The following C6orf58 variants were observed in gnomAD, a reference collection of about 807,000 sequenced individuals.
The protein encoded by C6orf58 is protein LEG1 homolog.
Under a neutral mutation model 37.0 loss-of-function variants are expected in C6orf58, and 30 were observed. That is an observed-to-expected ratio of 0.81 (90% CI 0.61 to 1.10). The LOEUF is 1.10. Ranked by LOEUF, C6orf58 falls within the 50% of genes least tolerant of loss-of-function variation. C6orf58 has a pLI of 0.00. For missense variants in C6orf58, 368 were observed against 387.5 expected (o/e 0.95, Z 0.42); for synonymous variants, 143 against 134.1 (o/e 1.07, Z -0.46).
intron 4 of C6orf58, among the ~76,000 whole-genome samples, chr6:127,583,091 C>T (rs539937596): frequency 3.9e-4 from 60 of 152,192 alleles, no homozygotes; most frequent in Middle Eastern, 6.8e-3. Context: ...AATTATCTTC[C>T]TTTTGTTTTT....
chr6:127,584,634 C>T (rs966577118), intron 4 of C6orf58, among the ~76,000 whole-genome samples: 3 of 151,960 alleles, frequency 2.0e-5, no homozygotes, highest in Middle Eastern at 3.4e-3. Context: ...ATTAGCCAGG[C>T]GTGGTGTTGC....
rs764701299 is a variant in C6orf58 at position 127,590,286 on chromosome 6, GTT to G, written c.875_876del (p.Val292AlafsTer6). 8.7e-6 allele frequency: 14 copies of G among 1,612,112 alleles called. No homozygotes were observed. Among genetic ancestry groups the G allele is most frequent in the Non-Finnish European group, 1.2e-5 (14 of 1,179,314 alleles). ...TACTGCTTTTCAGAATGTAGTCCTGGTTCTTCTAAATATGCTTGACAATGTGG... is the reference window on the plus strand; with the variant it reads ...TACTGCTTTTCAGAATGTAGTCCTGGCTTCTAAATATGCTTGACAATGTGG... ...DFTAFQNVVLVLLNMLDNVDK... is the reference protein window; with the variant it reads ...DFTAFQNVVLXLLNMLDNVDK... On this transcript the variant is annotated frameshift_variant, in exon 5 of 6. Transcript: ENST00000329722. LOFTEE classifies it low-confidence loss of function (END_TRUNC).
chr6:127,578,675 C>G lies in C6orf58; in HGVS notation c.302-11C>G, dbSNP rs776501618. 4.4e-6 allele frequency: 7 copies of G among 1,603,614 alleles called. No individual in the cohort carries two copies. The highest frequency in any genetic ancestry group is 6.0e-6 in the Non-Finnish European group (7 of 1,171,292). The stretch of plus-strand genomic sequence containing the variant: ...TATAATAAATACGACTGTGCATCCT[C>G]TCTCCTCCAGGCAGATTAGCTGATC... On this transcript the variant is annotated splice_polypyrimidine_tract_variant and intron_variant, in intron 1 of 5. Coordinates refer to ENST00000329722, the MANE Select transcript of C6orf58 (RefSeq NM_001010905.3).
chr6:127,578,130 G>A (rs1316912275), intron 1 of C6orf58, among the ~76,000 whole-genome samples: 1 of 152,010 alleles, frequency 6.6e-6, no homozygotes, highest in Non-Finnish European at 1.5e-5. Flanking sequence ...TGAGAGAGAG[G>A]TTAAGAAAAG....
intron 4 of C6orf58, among the ~76,000 whole-genome samples, chr6:127,588,820 A>G (rs1775132143): frequency 6.6e-6 from 1 of 151,908 alleles, no homozygotes. Context: ...TTGTTACTAG[A>G]CCTCTGTGGC....
Position 127,590,086 on chromosome 6 carries a change from G to C in C6orf58, c.675-1G>C. On this transcript the variant is annotated splice_acceptor_variant, in intron 4 of 5. Coordinates refer to ENST00000329722, the MANE Select transcript of C6orf58 (RefSeq NM_001010905.3). LOFTEE classifies it high-confidence loss of function. ...TAAATACTTTTCCGTTTGTCTTTTA[G>C]ATATGATTATTATTCTAAAGCAGAA... is the stretch of plus-strand genomic sequence containing the variant. 6.3e-7 allele frequency: 1 copy of C among 1,599,826 alleles called. No homozygotes were observed. Among genetic ancestry groups the C allele is most frequent in the Non-Finnish European group, 8.6e-7 (1 of 1,168,804 alleles).
chr6:127,587,111 T>A (rs1293989245), intron 4 of C6orf58, among the ~76,000 whole-genome samples: 1 of 152,236 alleles, frequency 6.6e-6, no homozygotes, highest in Admixed American at 6.5e-5. Flanking sequence ...CTATTAAATC[T>A]TTTCAACTAG....
intron 4 of C6orf58, among the ~76,000 whole-genome samples, chr6:127,587,848 A>C (rs1583130777): frequency 6.6e-6 from 1 of 152,240 alleles, no homozygotes; most frequent in Non-Finnish European, 1.5e-5. Flanking sequence ...AATATAAAGT[A>C]ACTATTATCA....
intron 2 of C6orf58, among the ~76,000 whole-genome samples, chr6:127,579,944 T>A (rs2114290481): frequency 6.6e-6 from 1 of 152,210 alleles, no homozygotes; most frequent in South Asian, 2.1e-4. Flanking sequence ...GAAAAGTTGA[T>A]AGCTTTCTTC....
chr6:127,578,610 T>C (rs1775014625), intron 1 of C6orf58, 76 bp from the exon 2 acceptor site: 1 of 928,058 alleles, frequency 1.1e-6, no homozygotes, highest in Admixed American at 2.0e-5. Context: ...AAACAAAATC[T>C]ATGTGGTTAA....
In C6orf58 at chr6:127,581,423, G is replaced by A. The variant is rs1583128332; in HGVS notation, c.674+141G>A. 11 of 361,372 alleles carry A rather than the reference G, an allele frequency of 3.0e-5. 1 individual carries two copies. The East Asian group carries it at 4.5e-4, about 15-fold the overall frequency. The allele number at this position is 361,372 out of a possible 1,614,324, so 22.4% of individuals were successfully genotyped here. A position where few individuals can be genotyped will look rare whatever the true frequency, so the allele number is the denominator to read the frequency against. ...CCTAACCATTGGAGATTATAGTGAGGATGTGTAAATATTTTAACATGATCA... is the reference window on the plus strand; with the variant it reads ...CCTAACCATTGGAGATTATAGTGAGAATGTGTAAATATTTTAACATGATCA... On this transcript the variant is annotated intron_variant, in intron 4 of 5. Coordinates refer to ENST00000329722, the MANE Select transcript of C6orf58 (RefSeq NM_001010905.3).
At chr6:127,580,758 A>G (rs745681193) in intron 3 of C6orf58, among the ~76,000 whole-genome samples, 2 of 152,080 alleles carry the variant, frequency 1.3e-5, no homozygotes, top group Non-Finnish European at 2.9e-5. Flanking sequence ...GTCCACTAGG[A>G]TATTGGAAGA....
intron 3 of C6orf58, among the ~76,000 whole-genome samples, chr6:127,580,962 T>C (rs1328285307): frequency 2.0e-5 from 3 of 152,052 alleles, no homozygotes; most frequent in Non-Finnish European, 2.9e-5. Flanking sequence ...ATACTTGAAG[T>C]TCAATACTTA....
chr6:127,578,904 G>A (rs1353301597), intron 2 of C6orf58, 132 bp downstream of exon 2: 1 of 651,654 alleles, frequency 1.5e-6, no homozygotes, highest in Non-Finnish European at 2.7e-6. Flanking sequence ...ATTTCACCGT[G>A]TACCTTATGG....
At chr6:127,585,547 A>G (rs1775098399) in intron 4 of C6orf58, among the ~76,000 whole-genome samples, 1 of 152,230 alleles carries the variant, frequency 6.6e-6, no homozygotes, top group Non-Finnish European at 1.5e-5. Flanking sequence ...CATGAAGCAC[A>G]GGAAATTATC....
intron 4 of C6orf58, among the ~76,000 whole-genome samples, chr6:127,588,023 GTGTT>G (rs909957484): frequency 6.6e-6 from 1 of 152,160 alleles, no homozygotes; most frequent in Non-Finnish European, 1.5e-5. Flanking sequence ...TTGTACAACT[GTGTT>G]TATTGCTCAG....
At chr6:127,579,181 C>A (rs936164736) in intron 2 of C6orf58, among the ~76,000 whole-genome samples, 1 of 152,050 alleles carries the variant, frequency 6.6e-6, no homozygotes, top group African/African-American at 2.4e-5. Flanking sequence ...ATAAACATGC[C>A]AGAGATTAAT....
Position 127,577,374 on chromosome 6 carries a change from G to A in C6orf58, c.189G>A (p.Met63Ile). 1 of 1,613,548 alleles carries A rather than the reference G, an allele frequency of 6.2e-7. No homozygotes were observed. Among genetic ancestry groups the A allele is most frequent in the Non-Finnish European group, 8.5e-7 (1 of 1,179,588 alleles). Residue 63 changes from methionine to isoleucine, a missense_variant, in exon 1 of 6, where the codon ATG becomes ATA. Transcript: ENST00000329722. ...GGGTATACCTTGAGAGAATGGGGATGTATAAAATCATATTGAATCAGACAG... is the reference window on the plus strand; with the variant it reads ...GGGTATACCTTGAGAGAATGGGGATATATAAAATCATATTGAATCAGACAG... ...NPWVYLERMG[M>I]YKIILNQTAR...
Position 127,578,669 on chromosome 6 carries a change from C to A in C6orf58, c.302-17C>A. On this transcript the variant is annotated splice_polypyrimidine_tract_variant and intron_variant, in intron 1 of 5. Transcript: ENST00000329722. ...AATGCGTATAATAAATACGACTGTG[C>A]ATCCTCTCTCCTCCAGGCAGATTAG... 3 of 1,585,266 alleles carry A rather than the reference C, an allele frequency of 1.9e-6. No individual in the cohort carries two copies. The highest frequency in any genetic ancestry group is 2.6e-6 in the Non-Finnish European group (3 of 1,154,682).
Sources: gnomAD v4.1 joint callset for allele counts (sites outside exome capture counted in the v4.1 genomes callset) on GRCh38, gnomAD v4.1.1 for gene constraint, MANE v1.5 for transcripts, NCBI Gene and HGNC (gene_info 2026-07-23, HGNC 2026-07-21) for gene names.